ELAPOR1: variants seen among roughly 807,000 people sequenced by gnomAD.
ELAPOR1 encodes endosome/lysosome-associated apoptosis and autophagy regulator 1.
In ELAPOR1, 77 loss-of-function variants were observed where a neutral mutation model predicts 119.7. The ratio of observed to expected loss-of-function variants is 0.64; its 90% CI spans 0.54 to 0.78. ELAPOR1 has a LOEUF of 0.78. Among genes scored for constraint, ELAPOR1 ranks in the 30% least tolerant of loss-of-function variants. The pLI is 0.00. For missense variants in ELAPOR1, 1,115 were observed against 1,270.4 expected (o/e 0.88, Z 1.86); for synonymous variants, 481 against 487.2 (o/e 0.99, Z 0.17).
rs367716296 is a variant in ELAPOR1, at chr1:109,139,328, G to A, written c.154-22566G>A. On this transcript the variant is annotated intron_variant, in intron 1 of 21. Transcript: ENST00000369939. ...TGCACTCCAGCCTGGGTGACACAGCGAGACCTCATCTCAAAAAATAAAAAT... is the reference window on the plus strand; with the variant it reads ...TGCACTCCAGCCTGGGTGACACAGCAAGACCTCATCTCAAAAAATAAAAAT... Among the ~76,000 whole-genome samples, 10 of 152,066 alleles carry A rather than the reference G, an allele frequency of 6.6e-5. No individual in the cohort carries two copies. The East Asian group carries it at 1.2e-3, about 18-fold the overall frequency.
rs1396244422 is a variant in ELAPOR1, at chr1:109,191,367, C to A, written c.1441C>A (p.Pro481Thr). 3 of 1,612,688 alleles carry A rather than the reference C, an allele frequency of 1.9e-6. No homozygotes were observed. Among genetic ancestry groups the A allele is most frequent in the Non-Finnish European group, 2.5e-6 (3 of 1,178,660 alleles). ...ILTLVVPGFRPPQSVMADTEN... is the reference protein window; with the variant it reads ...ILTLVVPGFRTPQSVMADTEN... ...GACTTTTAATTTCTGCCCCTACAGA[C>A]CTCCGCAGTCGGTGATGGCAGACAC... The change falls in exon 12 of 22, where the codon CCT becomes ACT. Residue 481 changes from proline to threonine, a missense_variant and splice_region_variant. By Grantham distance (38) the Pro-to-Thr change is conservative. Transcript: ENST00000369939.
intron 8 of ELAPOR1, chr1:109,186,724 C>T: frequency 2.0e-6 from 2 of 985,558 alleles, no homozygotes; most frequent in Non-Finnish European, 2.4e-6. Context: ...TCCTGCTGCT[C>T]TTCTCCCTCC....
intron 3 of ELAPOR1, among the ~76,000 whole-genome samples, chr1:109,171,242 A>G (rs1651903461): frequency 6.6e-6 from 1 of 152,178 alleles, no homozygotes; most frequent in Non-Finnish European, 1.5e-5. Context: ...GGTAGTAAGC[A>G]ACCAATAAAT....
In ELAPOR1 at chr1:109,171,848, G is replaced by T. The variant is rs781610265; in HGVS notation, c.468-18G>T. 24 of 1,613,692 alleles carry T rather than the reference G, an allele frequency of 1.5e-5. No individual in the cohort carries two copies. Among genetic ancestry groups the T allele is most frequent in the Non-Finnish European group, 1.9e-5 (23 of 1,179,854 alleles). On this transcript the variant is annotated intron_variant, in intron 3 of 21. Coordinates refer to ENST00000369939, the MANE Select transcript of ELAPOR1 (RefSeq NM_020775.5). ...GGCTGTGCTCCTGCCTGTGAACCTGGTTCCTGTTCCTTCACAGGTCCAAGT... is the reference window on the plus strand; with the variant it reads ...GGCTGTGCTCCTGCCTGTGAACCTGTTTCCTGTTCCTTCACAGGTCCAAGT...
chr1:109,140,959 C>A (rs1649790474), intron 1 of ELAPOR1, among the ~76,000 whole-genome samples: 1 of 152,102 alleles, frequency 6.6e-6, no homozygotes, highest in African/African-American at 2.4e-5. Context: ...TCAAGTGATC[C>A]TTGTGCCTCA....
chr1:109,125,517 C>T (rs1217306535), intron 1 of ELAPOR1, among the ~76,000 whole-genome samples: 3 of 152,086 alleles, frequency 2.0e-5, no homozygotes, highest in East Asian at 1.9e-4. Context: ...CTCAGCCTCC[C>T]GAGTAACTGG....
chr1:109,202,928 A>T lies in ELAPOR1; in HGVS notation c.2974-16A>T, dbSNP rs751536074. On this transcript the variant is annotated splice_polypyrimidine_tract_variant and intron_variant, in intron 21 of 21. Transcript: ENST00000369939. ...CCCTGTGCAGCAGCCAGCTCCTGTC[A>T]CCATCTCTCTTTCAGAGGACTCCTG... 2 of 1,613,870 alleles carry T rather than the reference A, an allele frequency of 1.2e-6. No homozygotes were observed. Among genetic ancestry groups the T allele is most frequent in the South Asian group, 2.2e-5 (2 of 91,034 alleles).
At chr1:109,179,587 T>C (rs1460081839) in intron 7 of ELAPOR1, among the ~76,000 whole-genome samples, 1 of 151,912 alleles carries the variant, frequency 6.6e-6, no homozygotes, top group East Asian at 1.9e-4. Flanking sequence ...AAATTGGGAT[T>C]TGATCCTATC....
intron 7 of ELAPOR1, among the ~76,000 whole-genome samples, chr1:109,180,999 A>G (rs139522397): frequency 4.6e-5 from 7 of 152,314 alleles, no homozygotes; most frequent in East Asian, 3.9e-4. Flanking sequence ...CTCCTGGTAC[A>G]GGTAACACTC....
intron 7 of ELAPOR1, among the ~76,000 whole-genome samples, chr1:109,182,223 A>G (rs985815715): frequency 1.3e-5 from 2 of 152,060 alleles, no homozygotes; most frequent in African/African-American, 2.4e-5. Flanking sequence ...CCAGCTACTC[A>G]GGAGGCTGAG....
intron 14 of ELAPOR1, 108 bp from the exon 15 acceptor site, chr1:109,194,313 T>G (rs1653637853): frequency 1.1e-6 from 1 of 916,084 alleles, no homozygotes; most frequent in African/African-American, 1.6e-5. Flanking sequence ...TTCCTCCTCT[T>G]GACCCCATTT....
intron 7 of ELAPOR1, among the ~76,000 whole-genome samples, chr1:109,180,854 A>G (rs1248004166): frequency 6.6e-6 from 1 of 152,066 alleles, no homozygotes; most frequent in East Asian, 1.9e-4. Context: ...AGTCCCAGCT[A>G]CTCAGAAGGC....
At chr1:109,157,106 T>C (rs1650926517) in intron 1 of ELAPOR1, among the ~76,000 whole-genome samples, 1 of 152,204 alleles carries the variant, frequency 6.6e-6, no homozygotes, top group South Asian at 2.1e-4. Flanking sequence ...ATTTTTTATC[T>C]ACTTGGCTTT....
chr1:109,198,447 G>A lies in ELAPOR1; in HGVS notation c.2400-126G>A, dbSNP rs927611042. 12 of 774,764 alleles carry A rather than the reference G, an allele frequency of 1.5e-5. No individual in the cohort carries two copies. The Admixed American group carries it at 2.9e-4, about 19-fold the overall frequency. 48.0% of individuals were successfully genotyped at this position (774,764 alleles called of 1,614,324 possible). ...ACCAAGGCCTGTGCACTCCCTGTGT[G>A]CCAGGCTAAAGCCCAAGTCCTGACT... is the stretch of plus-strand genomic sequence containing the variant. On this transcript the variant is annotated intron_variant, in intron 17 of 21. Transcript: ENST00000369939.
chr1:109,119,566 A>G (rs998104927), intron 1 of ELAPOR1, among the ~76,000 whole-genome samples: 25 of 150,874 alleles, frequency 1.7e-4, no homozygotes, highest in African/African-American at 6.1e-4. Flanking sequence ...GTAAAAATAT[A>G]TTGCATTGTA....
chr1:109,162,145 G>A, intron 2 of ELAPOR1, 131 bp downstream of exon 2: 1 of 971,366 alleles, frequency 1.0e-6, no homozygotes, highest in Non-Finnish European at 1.5e-6. Context: ...TCCCCAATTA[G>A]TCCCCACATC....
At chr1:109,163,160 G>C (rs1651367695) in intron 2 of ELAPOR1, among the ~76,000 whole-genome samples, 2 of 152,170 alleles carry the variant, frequency 1.3e-5, no homozygotes, top group African/African-American at 4.8e-5. Flanking sequence ...GTTTAGACGT[G>C]GATGAAGAGT....
At chr1:109,160,948 T>C (rs1250597016) in intron 1 of ELAPOR1, among the ~76,000 whole-genome samples, 1 of 152,240 alleles carries the variant, frequency 6.6e-6, no homozygotes, top group Non-Finnish European at 1.5e-5. Flanking sequence ...TGTTATTCCA[T>C]TTATTTTTAG....
chr1:109,142,131 A>G (rs570809625), intron 1 of ELAPOR1, among the ~76,000 whole-genome samples: 3 of 152,320 alleles, frequency 2.0e-5, no homozygotes, highest in Admixed American at 2.0e-4. Flanking sequence ...ATAAAAGACA[A>G]TTGAAACTGT....
Sources: allele counts gnomAD v4.1 joint callset (sites outside exome capture counted in the v4.1 genomes callset), GRCh38; gene constraint gnomAD v4.1.1; transcripts MANE v1.5; gene names NCBI Gene and HGNC (gene_info 2026-07-23, HGNC 2026-07-21).